DNAH2: variants seen among roughly 807,000 people sequenced by gnomAD.
DNAH2 encodes dynein axonemal heavy chain 2.
Under a neutral mutation model 523.5 loss-of-function variants are expected in DNAH2, and 323 were observed. The observed-to-expected ratio is 0.62, with a 90% CI of 0.56 to 0.68. The LOEUF (loss-of-function observed/expected upper bound fraction) is 0.68. Ranked by LOEUF, DNAH2 falls within the 30% of genes least tolerant of loss-of-function variation. DNAH2 has a pLI of 0.00. For missense variants in DNAH2, 4,907 were observed against 5,701.5 expected, an observed-to-expected ratio of 0.86 and a Z score of 4.49; for synonymous variants, 2,093 against 2,177.4, an observed-to-expected ratio of 0.96 and a Z score of 1.08.
At position 7,737,079 on chromosome 17, in the gene DNAH2, C is replaced by G. The variant is rs2075163836; in HGVS notation, c.991C>G (p.Gln331Glu). 1 of 1,613,846 alleles carries G rather than the reference C, an allele frequency of 6.2e-7. No individual in the cohort carries two copies. Among genetic ancestry groups the G allele is most frequent in the Non-Finnish European group, 8.5e-7 (1 of 1,179,918 alleles). ...TCTTTACTGCCAGGATGGCTCTCGT[C>G]AAGCACAGTCAAACCTGACCTTTTT... The part of the protein sequence containing the change: ...LAQQIQDGSR[Q>E]AQSNLTFLSI... The change falls in exon 8 of 86, where the codon CAA becomes GAA. Residue 331 changes from glutamine to glutamate, a missense_variant. Gln to Glu is a conservative substitution (Grantham distance 29). This residue lies in a region of DNAH2 where 2,806 missense variants were observed against 3,190.8 expected (regional missense o/e 0.88). Transcript: ENST00000572933.
At chr17:7,755,162 G>A (rs2075802698) in intron 12 of DNAH2, among the ~76,000 whole-genome samples, 1 of 152,220 alleles carries the variant, frequency 6.6e-6, no homozygotes, top group Non-Finnish European at 1.5e-5. Flanking sequence ...TTTCTGCAGA[G>A]AGGGCAACAG....
chr17:7,776,144 G>A lies in DNAH2; in HGVS notation c.4942G>A (p.Gly1648Ser). 1 of 1,613,452 alleles carries A rather than the reference G, an allele frequency of 6.2e-7. No individual in the cohort carries two copies. Among genetic ancestry groups the A allele is most frequent in the Non-Finnish European group, 8.5e-7 (1 of 1,179,688 alleles). The change falls in exon 31 of 86, where the codon GGC becomes AGC. Residue 1648 changes from glycine to serine, a missense_variant. Physicochemically the swap from Gly to Ser is moderately conservative, Grantham distance 56. Coordinates refer to ENST00000572933, the MANE Select transcript of DNAH2 (RefSeq NM_020877.5). ...KRDKWVKEWA[G>S]QVVITASQIQ... ...GGACAAATGGGTGAAGGAGTGGGCTGGCCAGGTGAGCTGGGGTCAACAGAA... is the reference window on the plus strand; with the variant it reads ...GGACAAATGGGTGAAGGAGTGGGCTAGCCAGGTGAGCTGGGGTCAACAGAA...
chr17:7,757,731 A>G (rs952236830), intron 13 of DNAH2, among the ~76,000 whole-genome samples: 2 of 152,140 alleles, frequency 1.3e-5, no homozygotes, highest in South Asian at 2.1e-4. Context: ...AACAACAAAC[A>G]TTTATTTCTC....
At chr17:7,804,540 C>A in intron 59 of DNAH2, 74 bp downstream of exon 59, 1 of 1,530,422 alleles carries the variant, frequency 6.5e-7, no homozygotes, top group Non-Finnish European at 8.9e-7. Flanking sequence ...ACCCATGTTC[C>A]CCCCTTCTTA....
chr17:7,768,317 C>T (rs376979981), intron 24 of DNAH2, 50 bp downstream of exon 24: 42 of 1,593,594 alleles, frequency 2.6e-5, no homozygotes, highest in South Asian at 5.5e-5. Context: ...CGCTGGCCTG[C>T]GCCACCACTT....
At chr17:7,823,036 T>C (rs2077904234) in intron 73 of DNAH2, among the ~76,000 whole-genome samples, 1 of 152,088 alleles carries the variant, frequency 6.6e-6, no homozygotes, top group African/African-American at 2.4e-5. Flanking sequence ...GGCTGACACC[T>C]GTAATCCCAG....
Position 7,745,497 on chromosome 17 carries a change from C to T in DNAH2, c.1904+2355C>T, listed in dbSNP as rs572586516. On this transcript the variant is annotated intron_variant, in intron 12 of 85. Transcript: ENST00000572933. The stretch of plus-strand genomic sequence containing the variant: ...ACAAACCTGCACATGTACCCCTGAA[C>T]TTGAAATAAAAGTTAAATTTAAAAA... Among the ~76,000 whole-genome samples the T allele has an allele frequency of 2.0e-5, 3 of 152,174 alleles. No homozygotes were observed. The South Asian group carries it at 6.2e-4, about 32-fold the overall frequency.
At chr17:7,824,079 C>A in intron 75 of DNAH2, 42 bp from the exon 76 acceptor site, 1 of 1,569,668 alleles carries the variant, frequency 6.4e-7, no homozygotes, top group South Asian at 1.2e-5. Flanking sequence ...CCACTTTGGT[C>A]ATGTGGCCTT....
At chr17:7,758,371 A>G in intron 13 of DNAH2, 124 bp from the exon 14 acceptor site, 1 of 1,263,234 alleles carries the variant, frequency 7.9e-7, no homozygotes, top group Non-Finnish European at 1.1e-6. Flanking sequence ...GTACTAGTCT[A>G]GAATCTAGTC....
At position 7,798,135 on chromosome 17, in the gene DNAH2, C is replaced by T; in HGVS notation, c.8231-22C>T. The T allele has an allele frequency of 1.3e-6, 2 of 1,571,530 alleles. No homozygotes were observed. The highest frequency in any genetic ancestry group is 2.3e-5 in the East Asian group (1 of 44,154). On this transcript the variant is annotated intron_variant, in intron 53 of 85. Coordinates refer to ENST00000572933, the MANE Select transcript of DNAH2 (RefSeq NM_020877.5). The surrounding 1 kb of genome is among the most constrained non-coding windows in gnomAD (Gnocchi z 5.5). ...GAGTTTGCTCAGCCAACTCATTACC[C>T]TCACACCCACCCCACCCCCAGTCAC...
chr17:7,805,084 GC>G lies in DNAH2; in HGVS notation c.9300+11del, dbSNP rs1567729277. On this transcript the variant is annotated intron_variant, in intron 60 of 85. Coordinates refer to ENST00000572933, the MANE Select transcript of DNAH2 (RefSeq NM_020877.5). ...GGAAGAGGCCATGCGGGTACCAGGGGCGGGTGCAAGGATGGGAGCCAGGAAC... is the reference window on the plus strand; with the variant it reads ...GGAAGAGGCCATGCGGGTACCAGGGGGGGTGCAAGGATGGGAGCCAGGAAC... 1.2e-6 allele frequency: 2 copies of G among 1,611,932 alleles called. No individual in the cohort carries two copies. Among genetic ancestry groups the G allele is most frequent in the South Asian group, 2.2e-5 (2 of 91,012 alleles).
chr17:7,775,408 G>A (rs2076421928), intron 30 of DNAH2, 66 bp downstream of exon 30: 14 of 1,465,576 alleles, frequency 9.6e-6, no homozygotes, highest in South Asian at 2.4e-5. Flanking sequence ...CACCTGGGTC[G>A]GGCGCAGTGG....
intron 73 of DNAH2, among the ~76,000 whole-genome samples, chr17:7,822,745 A>G (rs921239131): frequency 3.3e-5 from 5 of 152,236 alleles, no homozygotes; most frequent in Non-Finnish European, 5.9e-5. Context: ...AATGATTAAA[A>G]TGCATAGTTG....
At chr17:7,737,581 C>T (rs1228999855) in intron 8 of DNAH2, among the ~76,000 whole-genome samples, 1 of 152,206 alleles carries the variant, frequency 6.6e-6, no homozygotes, top group Non-Finnish European at 1.5e-5. Flanking sequence ...AAAAGCTCTT[C>T]TTCCCATTCC....
rs115549588 is a variant in DNAH2, at chr17:7,817,232, C to G, written c.9895-58C>G. 3.0e-4 allele frequency: 473 copies of G among 1,557,662 alleles called. 1 individual carries two copies. In the African/African-American group the frequency reaches 6.0e-3, roughly 20 times the overall value. On this transcript the variant is annotated intron_variant, in intron 64 of 85. Transcript: ENST00000572933. ...GAAGAGGGTGCCTTCAAAAGCATTC[C>G]AAGTGTCTCCCAGAGTGCTGGGGCC...
At chr17:7,723,218 C>T (rs1338586815) in intron 2 of DNAH2, among the ~76,000 whole-genome samples, 4 of 147,888 alleles carry the variant, frequency 2.7e-5, no homozygotes, top group African/African-American at 1.0e-4. Context: ...GATCCGCCCG[C>T]CTTGGCCTCC....
rs768315871 is a variant in DNAH2 at position 7,743,114 on chromosome 17, G to T, written c.1876G>T (p.Ala626Ser). ...ATTGCTGCGAATCAGCCAGGAGAAG[G>T]CGGGCATGCTGGATGTCAACTTTGA... ...TPLLRISQEK[A>S]GMLDVNFDKS... The change falls in exon 12 of 86, where the codon GCG becomes TCG. Residue 626 changes from alanine (A) to serine (S), a missense_variant. Ala to Ser is a moderately conservative substitution (Grantham distance 99). Around this residue, in one of 3 missense-constraint regions of DNAH2, gnomAD observed 2,806 missense variants for 3,190.8 expected, o/e 0.88. Transcript: ENST00000572933. 4.4e-6 allele frequency: 7 copies of T among 1,577,962 alleles called. No homozygotes were observed. The East Asian group carries it at 1.3e-4, about 30-fold the overall frequency.
chr17:7,821,198 C>G lies in DNAH2; in HGVS notation c.11016-45C>G, dbSNP rs764895029. 1.6e-5 allele frequency: 25 copies of G among 1,597,124 alleles called. No homozygotes were observed. In the African/African-American group the frequency reaches 2.4e-4, roughly 15 times the overall value. ...ATAGCATTCGCATGGAGCATCAGCC[C>G]CCATTCCATGCTGCCCCTCCCTCTT... On this transcript the variant is annotated intron_variant, in intron 72 of 85. Transcript: ENST00000572933. This position sits in a 1 kb window ranked among gnomAD's most constrained non-coding sequence, Gnocchi z 5.0.
intron 35 of DNAH2, 151 bp from the exon 36 acceptor site, chr17:7,779,092 T>C: frequency 2.4e-6 from 2 of 822,024 alleles, no homozygotes; most frequent in Non-Finnish European, 3.8e-6. Flanking sequence ...GGCCAGAAGC[T>C]ACAACAGTGT....
Sources: gnomAD v4.1 joint callset for allele counts (sites outside exome capture counted in the v4.1 genomes callset) on GRCh38, gnomAD v4.1.1 for gene constraint, gnomAD v4.1.1 regional missense constraint, Gnocchi (gnomAD v3.1) non-coding constraint, MANE v1.5 for transcripts, NCBI Gene and HGNC (gene_info 2026-07-23, HGNC 2026-07-21) for gene names.